Variants in DDX60L observed in about 807,000 individuals in gnomAD.
The protein encoded by DDX60L is probable ATP-dependent RNA helicase DDX60-like.
In DDX60L, 191 loss-of-function variants were observed where a neutral mutation model predicts 211.6. The ratio of observed to expected loss-of-function variants is 0.90; its 90% confidence interval spans 0.80 to 1.02. DDX60L has a LOEUF of 1.02. Ranked by LOEUF, DDX60L falls within the 50% of genes least tolerant of loss-of-function variation. The pLI, the probability that DDX60L is intolerant of heterozygous loss-of-function variation, is 0.00. For missense variants in DDX60L, 2,007 were observed against 1,984.1 expected (o/e 1.01, Z -0.22); for synonymous variants, 706 against 694.1 (o/e 1.02, Z -0.27).
intron 31 of DDX60L, 100 bp downstream of exon 31, chr4:168,379,626 A>G: frequency 1.7e-6 from 2 of 1,193,252 alleles, no homozygotes; most frequent in Non-Finnish European, 2.3e-6. Context: ...AAGTAACATT[A>G]TCATTGAATG....
Position 168,423,779 on chromosome 4 carries a change from T to A in DDX60L, c.1931-5A>T. ...TTAAATCTTTCGAAATTTTGCCTTG[T>A]TAAAGAAACAATAAAATTGTTATAA... On this transcript the variant is annotated splice_region_variant and splice_polypyrimidine_tract_variant and intron_variant, in intron 14 of 37. Coordinates refer to ENST00000682922, the MANE Select transcript of DDX60L (RefSeq NM_001012967.3). 1 of 1,550,944 alleles carries A rather than the reference T, an allele frequency of 6.4e-7. No individual in the cohort carries two copies. The highest frequency in any genetic ancestry group is 1.2e-5 in the South Asian group (1 of 82,050).
chr4:168,368,384 G>A (rs1263060063), intron 36 of DDX60L, among the ~76,000 whole-genome samples: 1 of 152,242 alleles, frequency 6.6e-6, no homozygotes, highest in Non-Finnish European at 1.5e-5. Context: ...GTGCACAGAA[G>A]TCAATAATTG....
At chr4:168,410,966 G>A (rs1369657937) in intron 22 of DDX60L, among the ~76,000 whole-genome samples, 1 of 152,172 alleles carries the variant, frequency 6.6e-6, no homozygotes, top group East Asian at 1.9e-4. Context: ...TAAAGAAAAG[G>A]AATAAACTAA....
At chr4:168,459,814 A>AGGAAGGAAGGAAGGAG (rs1273774123) in intron 5 of DDX60L, among the ~76,000 whole-genome samples, 2 of 130,200 alleles carry the variant, frequency 1.5e-5, no homozygotes, top group Admixed American at 8.1e-5. Flanking sequence ...GAAGGAAGGA[A>AGGAAGGAAGGAAGGAG]GGAGGGAAGG....
intron 26 of DDX60L, among the ~76,000 whole-genome samples, chr4:168,397,005 G>A (rs1316329119): frequency 3.9e-5 from 6 of 152,140 alleles, no homozygotes; most frequent in African/African-American, 1.2e-4. Flanking sequence ...ATTAAGTCAC[G>A]AAGACAGAGT....
rs1049383773 is a variant in DDX60L, at chr4:168,409,080, G to A, written c.2980-2374C>T. On this transcript the variant is annotated intron_variant, in intron 22 of 37. Transcript: ENST00000682922. ...ATTGTCATTGCTATCTTAGGAGCAC[G>A]AAGAAAGGTCTTATATAAATGCACA... Among the ~76,000 whole-genome samples, 7 of 152,172 alleles carry A rather than the reference G, an allele frequency of 4.6e-5. No individual in the cohort carries two copies. In the South Asian group the frequency reaches 8.3e-4, roughly 18 times the overall value.
intron 13 of DDX60L, 71 bp from the exon 14 acceptor site, chr4:168,427,393 A>G: frequency 6.6e-7 from 1 of 1,517,170 alleles, no homozygotes; most frequent in Non-Finnish European, 8.9e-7. Context: ...TAGTGAGATT[A>G]TTTTTTGTGC....
At chr4:168,382,288 A>G (rs1426575649) in intron 30 of DDX60L, among the ~76,000 whole-genome samples, 1 of 152,204 alleles carries the variant, frequency 6.6e-6, no homozygotes, top group Non-Finnish European at 1.5e-5. Context: ...AAAAGCAAAC[A>G]CTTACCCACA....
chr4:168,423,177 G>A (rs1411064393), intron 15 of DDX60L, among the ~76,000 whole-genome samples: 2 of 152,016 alleles, frequency 1.3e-5, no homozygotes, highest in East Asian at 3.9e-4. Context: ...TGCCTAAAAT[G>A]TTATTCTTGG....
intron 4 of DDX60L, among the ~76,000 whole-genome samples, chr4:168,463,963 T>C (rs1304059868): frequency 1.3e-5 from 2 of 152,230 alleles, no homozygotes; most frequent in East Asian, 3.8e-4. Context: ...ATAGTGCCTC[T>C]ATTGATTTGC....
chr4:168,453,268 G>C lies in DDX60L; in HGVS notation c.852C>G (p.Cys284Trp). ...AATCTTCCACCTCCTGCAGGGATAG[G>C]CAATTACTGTGCACCTGCGTACAAT... The part of the protein sequence containing the change: ...MYHRVLVHSN[C>W]LSLQEVEDFC... The change falls in exon 8 of 38, where the codon TGC (cysteine) becomes TGG (tryptophan). Residue 284 changes from cysteine (C) to tryptophan (W), a missense_variant. By Grantham distance (215) the Cys-to-Trp change is radical. Transcript: ENST00000682922. 6.2e-7 allele frequency: 1 copy of C among 1,611,446 alleles called. No homozygotes were observed. Among genetic ancestry groups the C allele is most frequent in the South Asian group, 1.1e-5 (1 of 90,560 alleles).
chr4:168,375,069 C>G (rs1741704963), intron 34 of DDX60L, among the ~76,000 whole-genome samples: 1 of 152,286 alleles, frequency 6.6e-6, no homozygotes, highest in Non-Finnish European at 1.5e-5. Context: ...TTTTTCTGAT[C>G]CAGTTTTCCA....
intron 22 of DDX60L, among the ~76,000 whole-genome samples, chr4:168,414,774 C>T (rs977118838): frequency 1.8e-4 from 27 of 151,950 alleles, no homozygotes; most frequent in African/African-American, 5.6e-4. Context: ...AAAAACTTCA[C>T]GTGTTCTAAC....
intron 37 of DDX60L, among the ~76,000 whole-genome samples, chr4:168,360,230 T>C (rs973307760): frequency 6.6e-6 from 1 of 152,224 alleles, no homozygotes; most frequent in African/African-American, 2.4e-5. Flanking sequence ...AAGACCTTGA[T>C]ACTTTTATAA....
intron 13 of DDX60L, among the ~76,000 whole-genome samples, chr4:168,428,708 A>G (rs1751856677): frequency 6.6e-6 from 1 of 152,218 alleles, no homozygotes; most frequent in Non-Finnish European, 1.5e-5. Flanking sequence ...CATGAGGCTA[A>G]GAGAGAAGTA....
rs1324219503 is a variant in DDX60L at position 168,396,005 on chromosome 4, G to A, written c.3611C>T (p.Ala1204Val). ...TTCAGTGTGTAGGGCTTTGACATCAGCATACGTGCAGTCCTCAGAAATTTC... is the reference window on the plus strand; with the variant it reads ...TTCAGTGTGTAGGGCTTTGACATCAACATACGTGCAGTCCTCAGAAATTTC... The part of the protein sequence containing the change: ...ILEISEDCTY[A>V]DVKALHTEIT... The change falls in exon 27 of 38, where the codon GCT becomes GTT. Residue 1204 changes from alanine to valine, a missense_variant. Transcript: ENST00000682922. 6.2e-7 allele frequency: 1 copy of A among 1,611,326 alleles called. No individual in the cohort carries two copies. Among genetic ancestry groups the A allele is most frequent in the Non-Finnish European group, 8.5e-7 (1 of 1,178,064 alleles).
Position 168,432,464 on chromosome 4 carries a change from G to A in DDX60L, c.1507C>T (p.His503Tyr). ...TGGTTACAGAGCTCACCATCAACATGACATTTGATCCTGTCATAGTCGTCA... is the reference window on the plus strand; with the variant it reads ...TGGTTACAGAGCTCACCATCAACATAACATTTGATCCTGTCATAGTCGTCA... ...LSDDYDRIKC[H>Y]VDEQSRDPHV... The change falls in exon 12 of 38, where the codon CAT becomes TAT. Residue 503 changes from histidine to tyrosine, a missense_variant. His to Tyr is a moderately conservative substitution (Grantham distance 83). Transcript: ENST00000682922. The A allele has an allele frequency of 6.4e-7, 1 of 1,561,878 alleles. No individual in the cohort carries two copies. Among genetic ancestry groups the A allele is most frequent in the East Asian group, 2.3e-5 (1 of 42,966 alleles).
intron 36 of DDX60L, among the ~76,000 whole-genome samples, chr4:168,363,274 T>C (rs912360480): frequency 6.6e-6 from 1 of 152,234 alleles, no homozygotes; most frequent in Admixed American, 6.5e-5. Context: ...AGGAAATTTA[T>C]CACTACTAGT....
In DDX60L at chr4:168,403,693, G is replaced by A. The variant is rs1747230976; in HGVS notation, c.3338+289C>T. 2.0e-5 allele frequency among the ~76,000 whole-genome samples: 3 copies of A among 152,242 alleles called. No homozygotes were observed. In the South Asian group the frequency reaches 6.2e-4, roughly 32 times the overall value. On this transcript the variant is annotated intron_variant, in intron 25 of 37. Transcript: ENST00000682922. ...TAGTTCCTAAAGGAACATTTCTAAAGTTAATGATAGTTGCTTACAAAAAGA... is the reference window on the plus strand; with the variant it reads ...TAGTTCCTAAAGGAACATTTCTAAAATTAATGATAGTTGCTTACAAAAAGA...
Sources: gnomAD v4.1 joint callset for allele counts (sites outside exome capture counted in the v4.1 genomes callset) on GRCh38, gnomAD v4.1.1 for gene constraint, MANE v1.5 for transcripts, NCBI Gene and HGNC (gene_info 2026-07-23, HGNC 2026-07-21) for gene names.